KCNMA1: variants seen among roughly 807,000 people sequenced by gnomAD.
KCNMA1 encodes the protein Calcium-activated potassium channel subunit alpha-1.
KCNMA1 carries 29 observed loss-of-function variants against 140.0 expected under a neutral mutation model. The ratio of observed to expected loss-of-function variants is 0.21; its 90% CI spans 0.15 to 0.28. The LOEUF (loss-of-function observed/expected upper bound fraction) is 0.28, where lower values mean the gene tolerates loss of function less well. Ranked by LOEUF, KCNMA1 falls within the 10% of genes least tolerant of loss-of-function variation. The pLI, the probability that KCNMA1 is intolerant of heterozygous loss-of-function variation, is 1.00. For missense variants in KCNMA1, 880 were observed against 1,602.2 expected, an observed-to-expected ratio of 0.55 and a Z score of 7.70; for synonymous variants, 612 against 611.9, an observed-to-expected ratio of 1.00 and a Z score of 0.00.
intron 23 of KCNMA1, among the ~76,000 whole-genome samples, chr10:76,923,068 T>G (rs2056458049): frequency 6.6e-6 from 1 of 152,206 alleles, no homozygotes; most frequent in African/African-American, 2.4e-5. Flanking sequence ...CTTTGCAAGT[T>G]GACTCCACCC....
intron 9 of KCNMA1, among the ~76,000 whole-genome samples, chr10:77,097,357 C>G (rs921687824): frequency 6.6e-6 from 1 of 152,176 alleles, no homozygotes; most frequent in Non-Finnish European, 1.5e-5. Context: ...GCAAATGAAG[C>G]CTAACTCCAG....
chr10:77,476,047 C>T (rs904682401), intron 1 of KCNMA1, among the ~76,000 whole-genome samples: 6 of 152,138 alleles, frequency 3.9e-5, no homozygotes, highest in Non-Finnish European at 8.8e-5. Context: ...AAGTTCCACC[C>T]GTACCCCCAA....
chr10:77,361,767 G>A lies in KCNMA1; in HGVS notation c.540+42095C>T, dbSNP rs1242787894. ...CCTTTCTGCGGCCTGGCAGGACAGGGTGGCCACTGCCCGTGGCTGGCCCAG... is the reference window on the plus strand; with the variant it reads ...CCTTTCTGCGGCCTGGCAGGACAGGATGGCCACTGCCCGTGGCTGGCCCAG... On this transcript the variant is annotated intron_variant, in intron 2 of 27. Transcript: ENST00000286628. Among the ~76,000 whole-genome samples, 3 of 152,232 alleles carry A rather than the reference G, an allele frequency of 2.0e-5. No individual in the cohort carries two copies. The South Asian group carries it at 6.2e-4, about 31-fold the overall frequency.
intron 18 of KCNMA1, among the ~76,000 whole-genome samples, chr10:77,006,892 A>G (rs2088953391): frequency 6.6e-6 from 1 of 152,132 alleles, no homozygotes; most frequent in South Asian, 2.1e-4. Context: ...AAGACTGTGC[A>G]TTGAATTGAA....
At chr10:76,884,596 G>A, downstream of KCNMA1, 1 of 175,004 alleles carries the variant, frequency 5.7e-6, no homozygotes, top group Non-Finnish European at 1.2e-5. Flanking sequence ...ACCAGGGTGG[G>A]CAGGGAGGCC....
chr10:77,280,483 TGTAA>T (rs2068109705), intron 2 of KCNMA1, among the ~76,000 whole-genome samples: 1 of 152,164 alleles, frequency 6.6e-6, no homozygotes, highest in Admixed American at 6.6e-5. Flanking sequence ...ATTACTGACC[TGTAA>T]GTGTCTGTTC....
intron 5 of KCNMA1, among the ~76,000 whole-genome samples, chr10:77,149,135 T>A (rs955339786): frequency 7.9e-5 from 12 of 152,246 alleles, no homozygotes; most frequent in Non-Finnish European, 2.9e-5. Context: ...AACTTTGCAC[T>A]TGCTTAAAGT....
intron 2 of KCNMA1, among the ~76,000 whole-genome samples, chr10:77,389,460 T>A (rs1033985716): frequency 5.3e-5 from 8 of 152,010 alleles, no homozygotes; most frequent in Non-Finnish European, 5.9e-5. Flanking sequence ...AGCAGTTCAG[T>A]CAAAAGCAAT....
chr10:77,417,966 C>A (rs1039518396), intron 1 of KCNMA1, among the ~76,000 whole-genome samples: 2 of 152,204 alleles, frequency 1.3e-5, no homozygotes, highest in African/African-American at 4.8e-5. Flanking sequence ...GCTCCCAGAG[C>A]TGCCCTGCTC....
At chr10:76,906,542 T>C (rs1376470306) in intron 25 of KCNMA1, among the ~76,000 whole-genome samples, 1 of 152,170 alleles carries the variant, frequency 6.6e-6, no homozygotes, top group African/African-American at 2.4e-5. Flanking sequence ...AAGGACAATA[T>C]TCAGAGAATG....
At chr10:77,465,174 G>A (rs574435532) in intron 1 of KCNMA1, among the ~76,000 whole-genome samples, 43 of 152,292 alleles carry the variant, frequency 2.8e-4, no homozygotes, top group African/African-American at 4.8e-4. Flanking sequence ...GATGCTGAGC[G>A]TGGCAATGAG....
intron 2 of KCNMA1, among the ~76,000 whole-genome samples, chr10:77,322,838 A>G (rs139490207): frequency 5.5e-4 from 84 of 152,334 alleles, no homozygotes; most frequent in Non-Finnish European, 5.0e-4. Context: ...TTGACATATT[A>G]GCAAGCATCC....
intron 21 of KCNMA1, among the ~76,000 whole-genome samples, chr10:76,952,764 T>A (rs903531032): frequency 2.0e-5 from 3 of 152,160 alleles, no homozygotes; most frequent in Non-Finnish European, 4.4e-5. Flanking sequence ...GTCCAGTGTG[T>A]TAGCATACAA....
intron 3 of KCNMA1, among the ~76,000 whole-genome samples, chr10:77,222,782 A>G (rs539001642): frequency 6.6e-6 from 1 of 152,306 alleles, no homozygotes; most frequent in African/African-American, 2.4e-5. Context: ...CAGAAAAAAG[A>G]ACTTTAGCTT....
chr10:77,580,657 C>T (rs1485617151), intron 1 of KCNMA1, among the ~76,000 whole-genome samples: 1 of 152,176 alleles, frequency 6.6e-6, no homozygotes, highest in Non-Finnish European at 1.5e-5. Context: ...GGGCCTCTTG[C>T]TCCTGCAGAA....
intron 5 of KCNMA1, among the ~76,000 whole-genome samples, chr10:77,133,855 A>C (rs1467461311): frequency 6.6e-6 from 1 of 152,204 alleles, no homozygotes; most frequent in Admixed American, 6.5e-5. Context: ...TAGGCCACAA[A>C]GAAATTTCAT....
intron 2 of KCNMA1, among the ~76,000 whole-genome samples, chr10:77,363,271 A>G (rs1369367276): frequency 6.6e-6 from 1 of 152,200 alleles, no homozygotes. Flanking sequence ...CATCTTCTGG[A>G]TTCCCACTCC....
At chr10:77,008,562 C>T (rs544163445) in intron 18 of KCNMA1, among the ~76,000 whole-genome samples, 4 of 152,272 alleles carry the variant, frequency 2.6e-5, no homozygotes, top group Admixed American at 6.5e-5. Context: ...ATGGAATGTC[C>T]GCACCTGATA....
intron 1 of KCNMA1, among the ~76,000 whole-genome samples, chr10:77,602,350 G>T (rs952062830): frequency 6.6e-6 from 1 of 152,164 alleles, no homozygotes; most frequent in African/African-American, 2.4e-5. Flanking sequence ...TGGCCACAAG[G>T]GGCAAATCCG....
Sources: allele counts gnomAD v4.1 joint callset (sites outside exome capture counted in the v4.1 genomes callset), GRCh38; gene constraint gnomAD v4.1.1; transcripts MANE v1.5; gene names NCBI Gene and HGNC (gene_info 2026-07-23, HGNC 2026-07-21).